Variants in MTA1 observed in about 807,000 individuals in gnomAD.
MTA1 encodes metastasis associated 1.
MTA1 carries 15 observed loss-of-function variants against 97.0 expected under a neutral mutation model. That is an observed-to-expected ratio of 0.15 (90% CI 0.10 to 0.24). MTA1 has a LOEUF of 0.24. MTA1 is among the 10% of genes least tolerant of loss of function. MTA1 has a pLI of 1.00. For synonymous variants in MTA1, 435 were observed against 417.5 expected, an observed-to-expected ratio of 1.04 and a Z score of -0.51; for missense variants, 709 against 1,015.1, an observed-to-expected ratio of 0.70 and a Z score of 4.10.
At chr14:105,447,967 C>A (rs935363676) in intron 3 of MTA1, among the ~76,000 whole-genome samples, 35 of 152,200 alleles carry the variant, frequency 2.3e-4, no homozygotes, top group African/African-American at 8.4e-4. Flanking sequence ...CTCCACCCAG[C>A]CCCTGCTGGG....
At chr14:105,432,608 A>C (rs587619413) in intron 1 of MTA1, among the ~76,000 whole-genome samples, 20 of 152,362 alleles carry the variant, frequency 1.3e-4, no homozygotes, top group African/African-American at 1.4e-4. Context: ...TGCCATCATC[A>C]ATACACCAGA....
chr14:105,469,428 T>C, intron 18 of MTA1, 39 bp from the exon 19 acceptor site: 2 of 1,610,960 alleles, frequency 1.2e-6, no homozygotes, highest in Non-Finnish European at 1.7e-6. Flanking sequence ...CAGGACGCGC[T>C]CTCTCGGGGC....
chr14:105,431,000 C>T (rs79925757), intron 1 of MTA1, among the ~76,000 whole-genome samples: 126 of 152,298 alleles, frequency 8.3e-4, no homozygotes, highest in Non-Finnish European at 1.5e-3. Context: ...CAGTCTCACA[C>T]GTTCAACACA....
At chr14:105,438,218 G>A (rs1344740308) in intron 1 of MTA1, among the ~76,000 whole-genome samples, 7 of 152,188 alleles carry the variant, frequency 4.6e-5, no homozygotes, top group African/African-American at 1.7e-4. Flanking sequence ...GTGGCTGGTG[G>A]TGGCCACGTG....
chr14:105,421,463 G>T (rs1555420877), intron 1 of MTA1, among the ~76,000 whole-genome samples: 1 of 152,224 alleles, frequency 6.6e-6, no homozygotes, highest in African/African-American at 2.4e-5. Context: ...CACTGCGCAT[G>T]GTTTTGGGAT....
chr14:105,430,564 T>A (rs12435378), intron 1 of MTA1, among the ~76,000 whole-genome samples: 132,678 of 152,082 alleles, frequency 0.87, 60,704 homozygotes, highest in Non-Finnish European at 1. Context: ...GTTGGAAAAA[T>A]GGCACCGATG....
In MTA1 at chr14:105,468,486, A is replaced by G. The variant is rs1192860150; in HGVS notation, c.1814-981A>G. ...GCCCCCACCTGACCCTGCCCGGCAG[A>G]GCTAAGCAAACTGGCAGGGAAAGGC... On this transcript the variant is annotated intron_variant, in intron 18 of 20. Coordinates refer to ENST00000331320, the MANE Select transcript of MTA1 (RefSeq NM_004689.4). 3 of 840,056 alleles carry G rather than the reference A, an allele frequency of 3.6e-6. No homozygotes were observed. In the East Asian group the frequency reaches 1.9e-4, roughly 54 times the overall value. 52.0% of individuals were successfully genotyped at this position (840,056 alleles called of 1,614,324 possible).
chr14:105,445,203 T>G (rs1022856643), intron 2 of MTA1, among the ~76,000 whole-genome samples: 3 of 152,126 alleles, frequency 2.0e-5, no homozygotes, highest in Non-Finnish European at 2.9e-5. Flanking sequence ...TGAGGTTGGG[T>G]GCACACGCCC....
At chr14:105,466,869 A>G (rs932917633) in intron 18 of MTA1, 127 bp downstream of exon 18, 106 of 933,964 alleles carry the variant, frequency 1.1e-4, no homozygotes, top group African/African-American at 2.2e-4. Context: ...GAGCCAGGCC[A>G]CAGCCCAGTT....
At chr14:105,439,895 C>T (rs782138310) in intron 2 of MTA1, among the ~76,000 whole-genome samples, 16 of 152,104 alleles carry the variant, frequency 1.1e-4, no homozygotes, top group Admixed American at 3.3e-4. Context: ...GCAGCGGTGA[C>T]GTGGGGTTCT....
chr14:105,466,378 C>A (rs937449713), intron 16 of MTA1, 48 bp from the exon 17 acceptor site: 8 of 1,549,438 alleles, frequency 5.2e-6, no homozygotes, highest in Non-Finnish European at 7.0e-6. Flanking sequence ...GCCTGCCCCT[C>A]CCCTGCTGGG....
At chr14:105,443,241 A>G (rs2082603836) in intron 2 of MTA1, among the ~76,000 whole-genome samples, 1 of 152,210 alleles carries the variant, frequency 6.6e-6, no homozygotes, top group Non-Finnish European at 1.5e-5. Context: ...TCACACCACC[A>G]TAGTGAGCAG....
At chr14:105,430,913 T>C (rs1555423196) in intron 1 of MTA1, among the ~76,000 whole-genome samples, 1 of 152,086 alleles carries the variant, frequency 6.6e-6, no homozygotes, top group Non-Finnish European at 1.5e-5. Flanking sequence ...GGGATTCCAG[T>C]TATTATGTGG....
intron 1 of MTA1, among the ~76,000 whole-genome samples, chr14:105,421,020 C>T (rs939064264): frequency 6.6e-5 from 10 of 152,222 alleles, no homozygotes; most frequent in African/African-American, 2.4e-4. Flanking sequence ...CCCCTGACCC[C>T]GAGTGCCCAG....
chr14:105,459,076 C>T (rs587708729), intron 8 of MTA1, among the ~76,000 whole-genome samples: 1 of 135,500 alleles, frequency 7.4e-6, no homozygotes, highest in Non-Finnish European at 1.6e-5. Context: ...GGGGGGAGTC[C>T]GTGCTGCCCA....
intron 1 of MTA1, among the ~76,000 whole-genome samples, chr14:105,433,370 A>C (rs2082237879): frequency 1.3e-5 from 2 of 152,136 alleles, no homozygotes; most frequent in South Asian, 4.1e-4. Context: ...GCCCCTCCAG[A>C]GGTCAGGCTG....
chr14:105,427,045 G>A (rs587652253), intron 1 of MTA1, among the ~76,000 whole-genome samples: 17 of 152,358 alleles, frequency 1.1e-4, no homozygotes, highest in Non-Finnish European at 2.9e-5. Flanking sequence ...GTCCCGGACA[G>A]GCAGGGACCA....
intron 19 of MTA1, 133 bp downstream of exon 19, chr14:105,469,631 TGCA>T (rs1438562784): frequency 2.4e-6 from 3 of 1,244,720 alleles, no homozygotes; most frequent in African/African-American, 1.5e-5. Context: ...CCAGAGGGGC[TGCA>T]GCATGTGGGG....
At chr14:105,434,526 C>G (rs1224638889) in intron 1 of MTA1, among the ~76,000 whole-genome samples, 7 of 140,264 alleles carry the variant, frequency 5.0e-5, no homozygotes, top group Non-Finnish European at 7.6e-5. Flanking sequence ...CAGAGTTTCA[C>G]TCTTGTTACC....
Sources: allele counts gnomAD v4.1 joint callset (sites outside exome capture counted in the v4.1 genomes callset), GRCh38; gene constraint gnomAD v4.1.1; transcripts MANE v1.5; gene names NCBI Gene and HGNC (gene_info 2026-07-23, HGNC 2026-07-21).